AGBL4: variants seen among roughly 807,000 people sequenced by gnomAD.
AGBL4 encodes cytosolic carboxypeptidase 6.
Under a neutral mutation model 66.4 loss-of-function variants are expected in AGBL4, and 58 were observed. That is an observed-to-expected ratio of 0.87 (90% CI 0.71 to 1.09). The LOEUF is 1.09. Among genes scored for constraint, AGBL4 ranks in the 50% least tolerant of loss-of-function variants. The pLI, the probability that AGBL4 is intolerant of heterozygous loss-of-function variation, is 0.00. For synonymous variants in AGBL4, 234 were observed against 222.9 expected (o/e 1.05, Z -0.44); for missense variants, 579 against 631.0 (o/e 0.92, Z 0.88).
chr1:48,816,777 T>C (rs890075338), intron 6 of AGBL4, among the ~76,000 whole-genome samples: 3 of 152,186 alleles, frequency 2.0e-5, no homozygotes, highest in Non-Finnish European at 4.4e-5. Flanking sequence ...TAAGATATGG[T>C]TCTGTCTGTA....
rs148127956 is a variant in AGBL4 at position 48,923,762 on chromosome 1, T to C, written c.595-56532A>G. The stretch of plus-strand genomic sequence containing the variant: ...CATTATGGTCTAACATTTAACGAAT[T>C]TGCATTTGGCCACATAGCCCAGGAC... On this transcript the variant is annotated intron_variant, in intron 5 of 13. Coordinates refer to ENST00000371839, the MANE Select transcript of AGBL4 (RefSeq NM_032785.4). 1.9e-3 allele frequency among the ~76,000 whole-genome samples: 288 copies of C among 152,320 alleles called. No homozygotes were observed. In the Middle Eastern group the frequency reaches 0.027, roughly 14 times the overall value.
intron 3 of AGBL4, among the ~76,000 whole-genome samples, chr1:49,588,344 CCTT>C (rs1251285416): frequency 6.6e-6 from 1 of 152,142 alleles, no homozygotes; most frequent in Non-Finnish European, 1.5e-5. Context: ...ACCCTGAGCT[CCTT>C]AAGGACAGAG....
At chr1:49,126,460 A>G (rs1645765964) in intron 4 of AGBL4, among the ~76,000 whole-genome samples, 1 of 152,152 alleles carries the variant, frequency 6.6e-6, no homozygotes, top group Non-Finnish European at 1.5e-5. Context: ...AGTGATAGAG[A>G]CAAAGGAATT....
intron 5 of AGBL4, among the ~76,000 whole-genome samples, chr1:48,928,356 T>A (rs1191601570): frequency 6.6e-6 from 1 of 152,180 alleles, no homozygotes; most frequent in Admixed American, 6.5e-5. Context: ...AGAATCTGAC[T>A]GTTCTGGGCT....
intron 1 of AGBL4, among the ~76,000 whole-genome samples, chr1:50,014,339 C>G (rs889723863): frequency 1.3e-5 from 2 of 151,452 alleles, no homozygotes; most frequent in Non-Finnish European, 2.9e-5. Context: ...CTACTGCACT[C>G]CAGCCTGGCC....
chr1:49,053,929 C>A (rs866821113), intron 4 of AGBL4, among the ~76,000 whole-genome samples: 2 of 152,228 alleles, frequency 1.3e-5, no homozygotes, highest in African/African-American at 4.8e-5. Flanking sequence ...TCAACATCTA[C>A]TTAAATAGTT....
At chr1:49,107,673 ATG>A (rs141552810) in intron 4 of AGBL4, among the ~76,000 whole-genome samples, 213 of 129,910 alleles carry the variant, frequency 1.6e-3, no homozygotes, top group Admixed American at 4.0e-3. Context: ...GAATATGTGT[ATG>A]TGTGTGTGTG....
At chr1:49,045,911 G>C in intron 4 of AGBL4, 111 bp from the exon 5 acceptor site, 1 of 878,600 alleles carries the variant, frequency 1.1e-6, no homozygotes, top group Non-Finnish European at 1.7e-6. Flanking sequence ...AAGAACCATG[G>C]GTGATGGGGC....
At chr1:49,095,600 AT>A (rs1645082366) in intron 4 of AGBL4, among the ~76,000 whole-genome samples, 2 of 152,312 alleles carry the variant, frequency 1.3e-5, no homozygotes, top group African/African-American at 4.8e-5. Context: ...AGGATTCCCT[AT>A]TTAATAAATG....
chr1:49,174,139 A>C (rs1646788781), intron 4 of AGBL4, among the ~76,000 whole-genome samples: 1 of 152,192 alleles, frequency 6.6e-6, no homozygotes, highest in Non-Finnish European at 1.5e-5. Context: ...GGGCCACAAC[A>C]ACTAAACAAA....
At chr1:49,684,990 A>C (rs983841721) in intron 3 of AGBL4, among the ~76,000 whole-genome samples, 8 of 152,132 alleles carry the variant, frequency 5.3e-5, no homozygotes, top group African/African-American at 1.9e-4. Context: ...TTTCATATAC[A>C]AATTATTTCA....
At chr1:49,933,551 T>C (rs1653588350) in intron 1 of AGBL4, among the ~76,000 whole-genome samples, 1 of 152,066 alleles carries the variant, frequency 6.6e-6, no homozygotes, top group Non-Finnish European at 1.5e-5. Context: ...CATTTCAGTG[T>C]AAAAATTTAA....
chr1:49,630,923 G>C (rs574292359), intron 3 of AGBL4, among the ~76,000 whole-genome samples: 3 of 152,286 alleles, frequency 2.0e-5, no homozygotes, highest in African/African-American at 7.2e-5. Context: ...CTGGTAGAGG[G>C]ACAAGAGGTG....
At chr1:49,502,839 C>A (rs1648295770) in intron 3 of AGBL4, among the ~76,000 whole-genome samples, 1 of 152,042 alleles carries the variant, frequency 6.6e-6, no homozygotes, top group African/African-American at 2.4e-5. Context: ...AGCAGCAAAG[C>A]ACTCAAGAGG....
intron 6 of AGBL4, among the ~76,000 whole-genome samples, chr1:48,829,382 G>A (rs1646499713): frequency 6.6e-6 from 1 of 152,206 alleles, no homozygotes; most frequent in African/African-American, 2.4e-5. Flanking sequence ...AGTCTTGTCT[G>A]CCTGGTGGCC....
intron 4 of AGBL4, among the ~76,000 whole-genome samples, chr1:49,125,447 A>G (rs1201917158): frequency 6.6e-6 from 1 of 152,258 alleles, no homozygotes; most frequent in East Asian, 1.9e-4. Context: ...CAAAGCCCAC[A>G]TTCTTTCTAT....
At chr1:49,567,194 T>A (rs895112245) in intron 3 of AGBL4, among the ~76,000 whole-genome samples, 1 of 152,226 alleles carries the variant, frequency 6.6e-6, no homozygotes, top group Non-Finnish European at 1.5e-5. Context: ...CCAGGTGCCG[T>A]CTGTCACCCC....
rs576839024 is a variant in AGBL4 at position 48,685,636 on chromosome 1, T to C, written c.635-22395A>G. Reference sequence around the variant, plus strand: ...GCATCTTTGAAAAAAGACATAGAAATGCTACCTTGAAGGACTCTTATGAGC... The same window carrying C: ...GCATCTTTGAAAAAAGACATAGAAACGCTACCTTGAAGGACTCTTATGAGC... On this transcript the variant is annotated intron_variant, in intron 6 of 13. Transcript: ENST00000371839. Among the ~76,000 whole-genome samples, 28 of 152,234 alleles carry C rather than the reference T, an allele frequency of 1.8e-4. No homozygotes were observed. In the South Asian group the frequency reaches 5.8e-3, roughly 32 times the overall value.
chr1:49,313,603 AT>A (rs1557831241), intron 3 of AGBL4, among the ~76,000 whole-genome samples: 1 of 151,980 alleles, frequency 6.6e-6, no homozygotes, highest in Non-Finnish European at 1.5e-5. Context: ...TGTGGTTTTG[AT>A]TTGCATTTCT....
Sources: gnomAD v4.1 joint callset for allele counts (sites outside exome capture counted in the v4.1 genomes callset) on GRCh38, gnomAD v4.1.1 for gene constraint, MANE v1.5 for transcripts, NCBI Gene and HGNC (gene_info 2026-07-23, HGNC 2026-07-21) for gene names.